FAM83G: variants seen among roughly 807,000 people sequenced by gnomAD.
FAM83G encodes protein FAM83G.
FAM83G carries 38 observed loss-of-function variants against 61.5 expected under a neutral mutation model. The ratio of observed to expected loss-of-function variants is 0.62; its 90% CI spans 0.48 to 0.81. The LOEUF (loss-of-function observed/expected upper bound fraction) is 0.81, where lower values mean the gene tolerates loss of function less well. Ranked by LOEUF, FAM83G falls within the 30% of genes least tolerant of loss-of-function variation. The pLI is 0.00. For synonymous variants in FAM83G, 470 were observed against 476.1 expected (o/e 0.99, Z 0.17); for missense variants, 989 against 1,133.6 (o/e 0.87, Z 1.83).
intron 5 of FAM83G, chr17:18,976,902 G>A (rs1422106166): frequency 3.7e-6 from 6 of 1,613,644 alleles, no homozygotes; most frequent in Middle Eastern, 1.6e-4. Context: ...CCATGCCAAG[G>A]CGGGCTCCAT....
intron 3 of FAM83G, among the ~76,000 whole-genome samples, chr17:18,980,256 C>G (rs1053740778): frequency 4.6e-5 from 7 of 152,180 alleles, no homozygotes; most frequent in Non-Finnish European, 1.0e-4. Flanking sequence ...ACAGGACTCA[C>G]AGCAAACCTT....
Position 19,000,314 on chromosome 17 carries a change from A to C in FAM83G, c.522+3206T>G, listed in dbSNP as rs1015071271. 2.6e-4 allele frequency among the ~76,000 whole-genome samples: 39 copies of C among 152,176 alleles called. No individual in the cohort carries two copies. The highest frequency in any genetic ancestry group is 9.2e-4 in the African/African-American group (38 of 41,438). The stretch of plus-strand genomic sequence containing the variant: ...GGGAGTCTAGGATCACAGGGCAGCA[A>C]GGTGTCAGGGCTGAAGGGGCCCCTA... On this transcript the variant is annotated intron_variant, in intron 2 of 5. Coordinates refer to ENST00000388995, the MANE Select transcript of FAM83G (RefSeq NM_001039999.3). This position sits in a 1 kb window ranked among gnomAD's most constrained non-coding sequence, Gnocchi z 5.2.
chr17:18,970,914 G>A lies in FAM83G; in HGVS notation c.*445C>T, dbSNP rs1367727124. On this transcript the variant is annotated 3_prime_UTR_variant, in exon 6 of 6. Coordinates refer to ENST00000388995, the MANE Select transcript of FAM83G (RefSeq NM_001039999.3). Reference sequence around the variant, plus strand: ...GAGGTGGAAAAAACTCAAGTTTGATGCATCAGGAAGTTTCTTGTGAGATGA... The same window carrying A: ...GAGGTGGAAAAAACTCAAGTTTGATACATCAGGAAGTTTCTTGTGAGATGA... 5.5e-6 allele frequency: 6 copies of A among 1,099,456 alleles called. No homozygotes were observed. The highest frequency in any genetic ancestry group is 6.8e-6 in the Non-Finnish European group (5 of 735,594). The allele number at this position is 1,099,456 out of a possible 1,614,324, so 68.1% of individuals were successfully genotyped here. A position where few individuals can be genotyped will look rare whatever the true frequency, so the allele number is the denominator to read the frequency against.
rs546345876 is a variant in FAM83G at position 19,004,202 on chromosome 17, G to T, written c.-128-33C>A. The T allele has an allele frequency of 2.4e-4, 153 of 649,766 alleles. No homozygotes were observed. In the African/African-American group the frequency reaches 2.6e-3, roughly 11 times the overall value. 40.3% of individuals were successfully genotyped at this position (649,766 alleles called of 1,614,324 possible). On this transcript the variant is annotated intron_variant, in intron 1 of 5. Transcript: ENST00000388995. This position sits in a 1 kb window ranked among gnomAD's most constrained non-coding sequence, Gnocchi z 5.4. The stretch of plus-strand genomic sequence containing the variant: ...AAAGACCTGATGAGCCCGGCTCGGC[G>T]GGGAGGGCGGGCCGCGCGGGGAGGG...
At chr17:18,987,660 T>C (rs1304452895) in intron 3 of FAM83G, among the ~76,000 whole-genome samples, 1 of 152,214 alleles carries the variant, frequency 6.6e-6, no homozygotes, top group Non-Finnish European at 1.5e-5. Context: ...CCACTTCTGT[T>C]CCATGGTTTC....
chr17:18,976,060 G>A (rs1270806091), intron 5 of FAM83G: 3 of 151,434 alleles, frequency 2.0e-5, no homozygotes, highest in Admixed American at 6.6e-5. Context: ...GTGGTGGCAG[G>A]CGCCTGTTGT....
chr17:19,004,307 G>A lies in FAM83G; in HGVS notation c.-128-138C>T, dbSNP rs1442747442. On this transcript the variant is annotated intron_variant, in intron 1 of 5. Coordinates refer to ENST00000388995, the MANE Select transcript of FAM83G (RefSeq NM_001039999.3). This position sits in a 1 kb window ranked among gnomAD's most constrained non-coding sequence, Gnocchi z 5.4. Reference sequence around the variant, plus strand: ...CTGGGGCTGGGAAGATGAGGTGGGGGCACTGGACTGGGATGGGAAGAAAGT... The same window carrying A: ...CTGGGGCTGGGAAGATGAGGTGGGGACACTGGACTGGGATGGGAAGAAAGT... 4.4e-6 allele frequency: 2 copies of A among 458,070 alleles called. No individual in the cohort carries two copies. Among genetic ancestry groups the A allele is most frequent in the African/African-American group, 4.2e-5 (2 of 47,418 alleles). 28.4% of individuals were successfully genotyped at this position (458,070 alleles called of 1,614,324 possible).
rs371848191 is a variant in FAM83G, at chr17:18,988,292, G to T, written c.645C>A (p.Phe215Leu). ...IIVDESNVKYFLHMCERACMH... is the reference protein window; with the variant it reads ...IIVDESNVKYLLHMCERACMH... ...TGCAGGCCCGCTCACACATGTGCAGGAAGTACTTGACGTTACTCTCATCCA... is the reference window on the plus strand; with the variant it reads ...TGCAGGCCCGCTCACACATGTGCAGTAAGTACTTGACGTTACTCTCATCCA... The change falls in exon 3 of 6, where the codon TTC (phenylalanine) becomes TTA (leucine). Residue 215 changes from phenylalanine (F) to leucine (L), a missense_variant. Around this residue, in one of 3 missense-constraint regions of FAM83G, gnomAD observed 371 missense variants for 404.5 expected, o/e 0.92. Transcript: ENST00000388995. 1 of 1,614,070 alleles carries T rather than the reference G, an allele frequency of 6.2e-7. No homozygotes were observed. The highest frequency in any genetic ancestry group is 1.1e-5 in the South Asian group (1 of 91,088).
At chr17:18,984,142 A>G (rs918542905) in intron 3 of FAM83G, among the ~76,000 whole-genome samples, 1 of 152,048 alleles carries the variant, frequency 6.6e-6, no homozygotes. Context: ...GCAGATCGAG[A>G]CCATCCTGGC....
At position 18,968,930 on chromosome 17, in the gene FAM83G, GTCTCCCCTCCTTAT is replaced by G. The variant is rs144485136; in HGVS notation, c.*2415_*2428del. The G allele has an allele frequency of 0.053, 45,861 of 867,976 alleles. 1,197 individuals are homozygous for G. Among genetic ancestry groups the G allele is most frequent in the Non-Finnish European group, 0.067 (38,739 of 579,354 alleles). The allele number at this position is 867,976 out of a possible 1,614,324, so 53.8% of individuals were successfully genotyped here. A position where few individuals can be genotyped will look rare whatever the true frequency, so the allele number is the denominator to read the frequency against. On this transcript the variant is annotated 3_prime_UTR_variant, in exon 6 of 6. Coordinates refer to ENST00000388995, the MANE Select transcript of FAM83G (RefSeq NM_001039999.3). This position sits in a 1 kb window ranked among gnomAD's most constrained non-coding sequence, Gnocchi z 4.1. ...GATGCAGGCAGGCAGGCGAGTGGGG[GTCTCCCCTCCTTAT>G]CCACAGGCCACCGAGGCCCAGAGAG...
rs1239251732 is a variant in FAM83G at position 19,003,933 on chromosome 17, C to T, written c.109G>A (p.Ala37Thr). 1.2e-6 allele frequency: 2 copies of T among 1,612,824 alleles called. No homozygotes were observed. The highest frequency in any genetic ancestry group is 1.3e-5 in the African/African-American group (1 of 74,930). The change falls in exon 2 of 6, where the codon GCC (alanine) becomes ACC (threonine). Residue 37 changes from alanine to threonine, a missense_variant. Around this residue, in one of 3 missense-constraint regions of FAM83G, gnomAD observed 371 missense variants for 404.5 expected, o/e 0.92. Coordinates refer to ENST00000388995, the MANE Select transcript of FAM83G (RefSeq NM_001039999.3). The surrounding 1 kb of genome is among the most constrained non-coding windows in gnomAD (Gnocchi z 4.5). ...GCGTCCCGGCCGCGGGCCACCAGGG[C>T]CTCCAGCGCCAGCCGCTGCTCCTCG... ...YSEEQRLALE[A>T]LVARGRDAFY...
In FAM83G at chr17:18,978,428, G is replaced by C. The variant is rs375654515; in HGVS notation, c.1238C>G (p.Thr413Arg). 1 of 1,596,976 alleles carries C rather than the reference G, an allele frequency of 6.3e-7. No homozygotes were observed. The highest frequency in any genetic ancestry group is 1.8e-5 in the Admixed American group (1 of 56,368). The change falls in exon 5 of 6, where the codon ACG becomes AGG. Residue 413 changes from threonine (T) to arginine (R), a missense_variant. By Grantham distance (71) the Thr-to-Arg change is moderately conservative. Around this residue, in one of 3 missense-constraint regions of FAM83G, gnomAD observed 574 missense variants for 645.1 expected, o/e 0.89. Transcript: ENST00000388995. ...ERANMFEYLP[T>R]WVEPDPEPGS... Reference sequence around the variant, plus strand: ...AGGCTCCGGGTCTGGCTCCACCCACGTGGGCAGGTACTCAAACATGTTGGC... The same window carrying C: ...AGGCTCCGGGTCTGGCTCCACCCACCTGGGCAGGTACTCAAACATGTTGGC...
Position 18,969,402 on chromosome 17 carries a change from C to T in FAM83G, c.*1957G>A, listed in dbSNP as rs371624697. The T allele has an allele frequency of 8.1e-6, 13 of 1,613,656 alleles. No individual in the cohort carries two copies. In the African/African-American group the frequency reaches 1.3e-4, roughly 17 times the overall value. On this transcript the variant is annotated 3_prime_UTR_variant, in exon 6 of 6. Transcript: ENST00000388995. ...CAGACGCTCATCATGGTGGTGGGGG[C>T]TGTCATCCTGACAATCAAAGGTGAG...
chr17:18,983,184 G>A (rs576505036), intron 3 of FAM83G, among the ~76,000 whole-genome samples: 1 of 152,368 alleles, frequency 6.6e-6, no homozygotes, highest in African/African-American at 2.4e-5. Flanking sequence ...GGGCTGGGCC[G>A]GGACTGAGGA....
Position 19,003,793 on chromosome 17 carries a change from G to T in FAM83G, c.249C>A (p.Gly83=). 6.2e-7 allele frequency: 1 copy of T among 1,612,308 alleles called. No homozygotes were observed. Among genetic ancestry groups the T allele is most frequent in the Non-Finnish European group, 8.5e-7 (1 of 1,179,554 alleles). The change falls in exon 2 of 6, where the codon GGC becomes GGA. Residue 83 remains glycine (G), a synonymous_variant. Coordinates refer to ENST00000388995, the MANE Select transcript of FAM83G (RefSeq NM_001039999.3). The surrounding 1 kb of genome is among the most constrained non-coding windows in gnomAD (Gnocchi z 4.5). Reference sequence around the variant, plus strand: ...CCTCGGGCCCCTGAGAGGGGCCCGTGCCCCGAGGGTCCTCAGAGCCCGGGT... The same window carrying T: ...CCTCGGGCCCCTGAGAGGGGCCCGTTCCCCGAGGGTCCTCAGAGCCCGGGT... ...VYDPGSEDPR[G]TGPSQGPEDN...
chr17:18,968,902 C>G lies in FAM83G; in HGVS notation c.*2457G>C. 4.6e-6 allele frequency: 3 copies of G among 658,412 alleles called. No individual in the cohort carries two copies. The highest frequency in any genetic ancestry group is 7.7e-6 in the Non-Finnish European group (3 of 391,232). The allele number at this position is 658,412 out of a possible 1,614,324, so 40.8% of individuals were successfully genotyped here. On this transcript the variant is annotated 3_prime_UTR_variant, in exon 6 of 6. Coordinates refer to ENST00000388995, the MANE Select transcript of FAM83G (RefSeq NM_001039999.3). This position sits in a 1 kb window ranked among gnomAD's most constrained non-coding sequence, Gnocchi z 4.1. The stretch of plus-strand genomic sequence containing the variant: ...TCTTCCCCCAACCTCACAATGGCCC[C>G]GTGATGCAGGCAGGCAGGCGAGTGG...
chr17:18,984,885 C>A lies in FAM83G; in HGVS notation c.690+3362G>T, dbSNP rs528516483. Among the ~76,000 whole-genome samples the A allele has an allele frequency of 4.6e-5, 7 of 152,380 alleles. No homozygotes were observed. In the South Asian group the frequency reaches 1.4e-3, roughly 32 times the overall value. The stretch of plus-strand genomic sequence containing the variant: ...ATTCCCATACTCCCACATGGAGGGC[C>A]ACTGGGGCCGGCCAGGGCAACCGGC... On this transcript the variant is annotated intron_variant, in intron 3 of 5. Transcript: ENST00000388995.
Position 18,978,658 on chromosome 17 carries a change from G to A in FAM83G, c.1008C>T (p.Pro336=), listed in dbSNP as rs367658769. 185 of 1,612,850 alleles carry A rather than the reference G, an allele frequency of 1.1e-4. No homozygotes were observed. Among genetic ancestry groups the A allele is most frequent in the Non-Finnish European group, 1.5e-4 (176 of 1,180,006 alleles). ...CGAGCTTCTTGGCCACAGTGCCCGC[G>A]GGCACCAGGGGGACCACAGAGGGCA... ...IVLPSVVPLV[P]AGTVAKKLVN... is the part of the protein sequence containing the mutation. Residue 336 remains proline, a synonymous_variant, in exon 5 of 6, where the codon CCC becomes CCT. Transcript: ENST00000388995.
rs35778801 is a variant in FAM83G at position 18,973,884 on chromosome 17, G to GTT, written c.2083-2138_2083-2137dup. 6.1e-3 allele frequency among the ~76,000 whole-genome samples: 583 copies of GTT among 95,712 alleles called. 26 individuals are homozygous for GTT. The highest frequency in any genetic ancestry group is 0.047 in the East Asian group (151 of 3,198). The allele number at this position is 95,712 out of a possible 152,430, so 62.8% of individuals were successfully genotyped here. Reference sequence around the variant, plus strand: ...GGCTAATTTTTGTATTTTTTTTTAAGTTTTTTTTTTTTTTTTTTTTTTCCC... The same window carrying GTT: ...GGCTAATTTTTGTATTTTTTTTTAAGTTTTTTTTTTTTTTTTTTTTTTTTCCC... On this transcript the variant is annotated intron_variant, in intron 5 of 5. Transcript: ENST00000388995.
Sources: gnomAD v4.1 joint callset for allele counts (sites outside exome capture counted in the v4.1 genomes callset) on GRCh38, gnomAD v4.1.1 for gene constraint, gnomAD v4.1.1 regional missense constraint, Gnocchi (gnomAD v3.1) non-coding constraint, MANE v1.5 for transcripts, NCBI Gene and HGNC (gene_info 2026-07-23, HGNC 2026-07-21) for gene names.